The following PDE4A variants were observed in gnomAD, a reference collection of about 807,000 sequenced individuals.
PDE4A encodes the protein 3',5'-cyclic-AMP phosphodiesterase 4A.
PDE4A carries 21 observed loss-of-function variants against 73.9 expected under a neutral mutation model. The ratio of observed to expected loss-of-function variants is 0.28; its 90% CI spans 0.20 to 0.41. PDE4A has a LOEUF of 0.41. Ranked by LOEUF, PDE4A falls within the 10% of genes least tolerant of loss-of-function variation. PDE4A has a pLI of 1.00. For synonymous variants in PDE4A, 463 were observed against 505.4 expected, an observed-to-expected ratio of 0.92 and a Z score of 1.13; for missense variants, 958 against 1,211.4, an observed-to-expected ratio of 0.79 and a Z score of 3.10.
At chr19:10,437,392 G>A (rs1304467257) in intron 1 of PDE4A, among the ~76,000 whole-genome samples, 3 of 151,998 alleles carry the variant, frequency 2.0e-5, no homozygotes, top group African/African-American at 7.2e-5. Flanking sequence ...AAAGTGTTGG[G>A]ATTACAGGCG....
chr19:10,438,466 A>G lies in PDE4A; in HGVS notation c.321-7752A>G, dbSNP rs556510848. Among the ~76,000 whole-genome samples, 6 of 151,146 alleles carry G rather than the reference A, an allele frequency of 4.0e-5. No individual in the cohort carries two copies. The South Asian group carries it at 1.3e-3, about 32-fold the overall frequency. ...TTAAGCACAAACACACCATTTCCCT[A>G]TCTCCCCCAGCCGCTGGCACCCACT... On this transcript the variant is annotated intron_variant, in intron 1 of 14. Transcript: ENST00000380702.
rs2043391865 is a variant in PDE4A, at chr19:10,467,257, A to G, written c.2297A>G (p.Gln766Arg). Residue 766 changes from glutamine to arginine, a missense_variant, in exon 15 of 15, where the codon CAG becomes CGG. Coordinates refer to ENST00000380702, the MANE Select transcript of PDE4A (RefSeq NM_001111307.2). ...CAGGAGTCGTTGGAAGTTATGGCAC[A>G]GGAAGCATCCCTGGAGGCCGAGCTG... ...PAQESLEVMA[Q>R]EASLEAELEA... 2 of 1,614,226 alleles carry G rather than the reference A, an allele frequency of 1.2e-6. No individual in the cohort carries two copies. The highest frequency in any genetic ancestry group is 2.7e-5 in the African/African-American group (2 of 75,066).
rs753446708 is a variant in PDE4A, at chr19:10,467,492, C to A, written c.2532C>A (p.Ala844=). The change falls in exon 15 of 15, where the codon GCC becomes GCA. Residue 844 remains alanine, a synonymous_variant. Coordinates refer to ENST00000380702, the MANE Select transcript of PDE4A (RefSeq NM_001111307.2). The part of the protein sequence containing the change: ...PGLPGLPSTA[A]EVEAQREHQA... ...TCCCGGGCCTCCCCTCCACGGCGGC[C>A]GAGGTGGAGGCCCAACGAGAGCACC... 10 of 1,612,898 alleles carry A rather than the reference C, an allele frequency of 6.2e-6. No homozygotes were observed. In the South Asian group the frequency reaches 8.8e-5, roughly 14 times the overall value.
In PDE4A at chr19:10,453,028, A is replaced by G; in HGVS notation, c.784-1801A>G. 3.8e-6 allele frequency: 5 copies of G among 1,325,996 alleles called. No individual in the cohort carries two copies. The highest frequency in any genetic ancestry group is 3.9e-6 in the Non-Finnish European group (4 of 1,038,464). 82.1% of individuals were successfully genotyped at this position (1,325,996 alleles called of 1,614,324 possible). On this transcript the variant is annotated intron_variant, in intron 6 of 14. Coordinates refer to ENST00000380702, the MANE Select transcript of PDE4A (RefSeq NM_001111307.2). The surrounding 1 kb of genome is among the most constrained non-coding windows in gnomAD (Gnocchi z 4.6). ...CACGGACCCCCCACCGCCTCCACCC[A>G]CTGCCGCGGGGGGGCCCGTTGGGGC...
In PDE4A at chr19:10,435,561, AACACACAC is replaced by A. The variant is rs35022243; in HGVS notation, c.321-10633_321-10626del. On this transcript the variant is annotated intron_variant, in intron 1 of 14. Coordinates refer to ENST00000380702, the MANE Select transcript of PDE4A (RefSeq NM_001111307.2). ...GGGTGACAGAGCAAGACCCTGTATC[AACACACAC>A]ACACACACACACACACACACACAAA... Among the ~76,000 whole-genome samples, 163 of 145,446 alleles carry A rather than the reference AACACACAC, an allele frequency of 1.1e-3. 1 individual carries two copies. Among genetic ancestry groups the A allele is most frequent in the Non-Finnish European group, 2.0e-3 (134 of 66,120 alleles).
At chr19:10,442,417 G>A (rs553191401) in intron 1 of PDE4A, among the ~76,000 whole-genome samples, 33 of 152,138 alleles carry the variant, frequency 2.2e-4, no homozygotes, top group Admixed American at 9.2e-4. Flanking sequence ...CCAGCTATCC[G>A]GGAGGCTGAG....
At chr19:10,465,223 A>ATT (rs778177208) in intron 14 of PDE4A, among the ~76,000 whole-genome samples, 7 of 134,406 alleles carry the variant, frequency 5.2e-5, no homozygotes, top group Admixed American at 1.5e-4. Context: ...CCCCCTCCTC[A>ATT]TTTTTTTTTT....
intron 5 of PDE4A, 78 bp downstream of exon 5, chr19:10,450,730 C>G (rs763883742): frequency 5.4e-5 from 86 of 1,584,724 alleles, no homozygotes; most frequent in Non-Finnish European, 7.2e-5. Flanking sequence ...CCCCACCCAG[C>G]AGTCCACTCA....
chr19:10,418,284 G>T (rs1348864282), upstream of PDE4A, among the ~76,000 whole-genome samples: 1 of 152,192 alleles, frequency 6.6e-6, no homozygotes, highest in African/African-American at 2.4e-5. Context: ...CTCCTGGGGA[G>T]ATGTGAGAAA....
At chr19:10,449,254 T>A in intron 4 of PDE4A, 104 bp downstream of exon 4, 1 of 1,248,302 alleles carries the variant, frequency 8.0e-7, no homozygotes, top group Non-Finnish European at 1.1e-6. Flanking sequence ...GTGACCTCTC[T>A]GAACCTCTGT....
At chr19:10,461,394 G>A in intron 11 of PDE4A, 132 bp from the exon 12 acceptor site, 1 of 1,511,076 alleles carries the variant, frequency 6.6e-7, no homozygotes, top group Non-Finnish European at 8.8e-7. Flanking sequence ...GCCGGGCTGG[G>A]GTAGAGCTGA....
intron 14 of PDE4A, 67 bp downstream of exon 14, chr19:10,464,042 T>C: frequency 6.3e-7 from 1 of 1,591,210 alleles, no homozygotes; most frequent in African/African-American, 1.3e-5. Context: ...GGCCTGAAGT[T>C]CTGAGGCCCA....
chr19:10,466,444 C>CAAAAA (rs367836712), intron 14 of PDE4A, among the ~76,000 whole-genome samples: 1 of 63,470 alleles, frequency 1.6e-5, no homozygotes, highest in African/African-American at 6.1e-5. Flanking sequence ...GACTCCGTCT[C>CAAAAA]AAAAAAAAAA....
chr19:10,417,383 C>A, upstream of PDE4A: 1 of 985,232 alleles, frequency 1.0e-6, no homozygotes, highest in Non-Finnish European at 1.2e-6. Flanking sequence ...TTAGAGAGGT[C>A]TCACACTTGA....
chr19:10,465,873 G>C (rs1191033459), intron 14 of PDE4A, among the ~76,000 whole-genome samples: 1 of 149,158 alleles, frequency 6.7e-6, no homozygotes, highest in Non-Finnish European at 1.5e-5. Flanking sequence ...GCTAATTTTT[G>C]TATTTTTAGT....
At chr19:10,447,090 C>T (rs1349056243) in intron 2 of PDE4A, among the ~76,000 whole-genome samples, 1 of 149,528 alleles carries the variant, frequency 6.7e-6, no homozygotes, top group Admixed American at 6.7e-5. Flanking sequence ...TTAGTGGAGA[C>T]GGGGTTTCAC....
intron 10 of PDE4A, among the ~76,000 whole-genome samples, chr19:10,460,223 G>C (rs1298374060): frequency 6.6e-6 from 1 of 152,034 alleles, no homozygotes; most frequent in Non-Finnish European, 1.5e-5. Flanking sequence ...TTTAGTCCAG[G>C]TGCGGTGGCT....
In PDE4A at chr19:10,420,633, C is replaced by T; in HGVS notation, c.-132C>T. On this transcript the variant is annotated 5_prime_UTR_variant, in exon 1 of 15. Coordinates refer to ENST00000380702, the MANE Select transcript of PDE4A (RefSeq NM_001111307.2). This position sits in a 1 kb window ranked among gnomAD's most constrained non-coding sequence, Gnocchi z 6.0. Reference sequence around the variant, plus strand: ...TGGCCCGCAGCGCCCCCGGGTCTGTCCCCGGGGCGCCATGGCCCTACCGCG... The same window carrying T: ...TGGCCCGCAGCGCCCCCGGGTCTGTTCCCGGGGCGCCATGGCCCTACCGCG... The T allele has an allele frequency of 7.4e-7, 1 of 1,344,894 alleles. No individual in the cohort carries two copies. Among genetic ancestry groups the T allele is most frequent in the South Asian group, 1.9e-5 (1 of 53,540 alleles). The allele number at this position is 1,344,894 out of a possible 1,614,324, so 83.3% of individuals were successfully genotyped here.
At chr19:10,442,702 CTTATTACATATTACCTTATTACTA>C (rs929648648) in intron 1 of PDE4A, among the ~76,000 whole-genome samples, 27 of 150,754 alleles carry the variant, frequency 1.8e-4, no homozygotes, top group Admixed American at 5.3e-4. Context: ...ATTATAATTA[CTTATTACATATTACCTTATTACTA>C]TTATTACATA....
Sources: allele counts gnomAD v4.1 joint callset (sites outside exome capture counted in the v4.1 genomes callset), GRCh38; gene constraint gnomAD v4.1.1; non-coding constraint Gnocchi (gnomAD v3.1); transcripts MANE v1.5; gene names NCBI Gene and HGNC (gene_info 2026-07-23, HGNC 2026-07-21).